The following CDKAL1 variants were observed in gnomAD, a reference collection of about 807,000 sequenced individuals.
CDKAL1 encodes threonylcarbamoyladenosine tRNA methylthiotransferase.
Under a neutral mutation model 68.2 loss-of-function variants are expected in CDKAL1, and 32 were observed. The ratio of observed to expected loss-of-function variants is 0.47; its 90% CI spans 0.35 to 0.63. The LOEUF (loss-of-function observed/expected upper bound fraction) is 0.63. Ranked by LOEUF, CDKAL1 falls within the 30% of genes least tolerant of loss-of-function variation. The probability of loss-of-function intolerance (pLI) is 0.00; values close to 1 mark genes in which losing one functional copy is unlikely to be tolerated. For synonymous variants in CDKAL1, 234 were observed against 244.3 expected, an observed-to-expected ratio of 0.96 and a Z score of 0.39; for missense variants, 606 against 696.7, an observed-to-expected ratio of 0.87 and a Z score of 1.47.
At chr6:20,812,920 A>G (rs975880809) in intron 8 of CDKAL1, among the ~76,000 whole-genome samples, 3 of 152,082 alleles carry the variant, frequency 2.0e-5, no homozygotes, top group Non-Finnish European at 2.9e-5. Flanking sequence ...TGGTTGTACC[A>G]TTTTATATTT....
chr6:20,919,570 T>C (rs1762859396), intron 9 of CDKAL1, among the ~76,000 whole-genome samples: 1 of 152,100 alleles, frequency 6.6e-6, no homozygotes, highest in Non-Finnish European at 1.5e-5. Context: ...TATGCGGTGT[T>C]TGGTTTTCTG....
chr6:20,764,040 C>T (rs1044159778), intron 7 of CDKAL1, among the ~76,000 whole-genome samples: 54 of 152,074 alleles, frequency 3.6e-4, no homozygotes, highest in African/African-American at 4.3e-4. Context: ...AATATTCATA[C>T]GCACCTTAGT....
intron 8 of CDKAL1, among the ~76,000 whole-genome samples, chr6:20,799,206 C>G (rs1776263701): frequency 1.3e-5 from 2 of 151,910 alleles, no homozygotes; most frequent in Admixed American, 6.6e-5. Flanking sequence ...GCACGCACCA[C>G]CGCACCTGGC....
chr6:20,610,350 G>A (rs756636763), intron 4 of CDKAL1, among the ~76,000 whole-genome samples: 2 of 152,076 alleles, frequency 1.3e-5, no homozygotes, highest in Non-Finnish European at 2.9e-5. Context: ...TTGAGGAATC[G>A]CCATACAGTA....
At chr6:21,092,931 C>CA (rs1326684015) in intron 12 of CDKAL1, among the ~76,000 whole-genome samples, 5,279 of 122,618 alleles carry the variant, frequency 0.043, 275 homozygotes, top group African/African-American at 0.14. Context: ...AAAGTAGAAC[C>CA]AAAAAAAAAA....
intron 13 of CDKAL1, among the ~76,000 whole-genome samples, chr6:21,159,119 AT>A (rs1415201432): frequency 1.7e-5 from 2 of 115,872 alleles, no homozygotes; most frequent in African/African-American, 3.2e-5. Flanking sequence ...TTTTTTTTTA[AT>A]TTTTTTAATG....
chr6:20,726,947 C>T (rs1006872715), intron 5 of CDKAL1, among the ~76,000 whole-genome samples: 64 of 152,268 alleles, frequency 4.2e-4, no homozygotes, highest in African/African-American at 1.5e-3. Flanking sequence ...CTTTGTGCAG[C>T]CCCTATAAAC....
chr6:20,609,787 C>A (rs1329023010), intron 4 of CDKAL1, among the ~76,000 whole-genome samples: 2 of 151,848 alleles, frequency 1.3e-5, no homozygotes, highest in Non-Finnish European at 2.9e-5. Flanking sequence ...TTTCTTTTAA[C>A]TTTTATTTTT....
At chr6:20,594,566 T>A (rs1419243378) in intron 4 of CDKAL1, among the ~76,000 whole-genome samples, 1 of 152,168 alleles carries the variant, frequency 6.6e-6, no homozygotes, top group African/African-American at 2.4e-5. Context: ...TTTGAGCCTA[T>A]GTGTGTCTTT....
At chr6:20,676,792 C>T (rs190285670) in intron 5 of CDKAL1, among the ~76,000 whole-genome samples, 137 of 152,130 alleles carry the variant, frequency 9.0e-4, no homozygotes, top group Non-Finnish European at 1.6e-3. Flanking sequence ...TTATCCACAG[C>T]ATCTAGTGTA....
chr6:20,546,641 C>T, intron 3 of CDKAL1, 118 bp downstream of exon 3: 2 of 724,572 alleles, frequency 2.8e-6, no homozygotes, highest in Non-Finnish European at 2.2e-6. Flanking sequence ...GCAACCTCCT[C>T]CTCCTGGATT....
At chr6:20,812,666 C>T (rs895583452) in intron 8 of CDKAL1, among the ~76,000 whole-genome samples, 12 of 152,096 alleles carry the variant, frequency 7.9e-5, no homozygotes, top group Admixed American at 5.9e-4. Flanking sequence ...TTCTTTAATA[C>T]AACCTAACAG....
Position 21,031,646 on chromosome 6 carries a change from G to A in CDKAL1, c.1055+31274G>A, listed in dbSNP as rs114133718. Among the ~76,000 whole-genome samples, 424 of 152,046 alleles carry A rather than the reference G, an allele frequency of 2.8e-3. 2 individuals are homozygous for A. Among genetic ancestry groups the A allele is most frequent in the African/African-American group, 9.7e-3 (402 of 41,502 alleles). The stretch of plus-strand genomic sequence containing the variant: ...AACAACATCTTGGAAGGTAGAAGTC[G>A]GGATTGGGAGTGAGTAGAACTCGAT... On this transcript the variant is annotated intron_variant, in intron 11 of 15. Transcript: ENST00000274695.
Position 20,688,898 on chromosome 6 carries a change from G to A in CDKAL1, c.371+39521G>A, listed in dbSNP as rs139888798. 4.3e-3 allele frequency among the ~76,000 whole-genome samples: 661 copies of A among 152,330 alleles called. 5 individuals are homozygous for A. Among genetic ancestry groups the A allele is most frequent in the African/African-American group, 0.015 (627 of 41,574 alleles). ...GATGTGGTATTAAGGTGTTGGGGGA[G>A]AGGGAGTGTTCTGTAATCCACTGAT... On this transcript the variant is annotated intron_variant, in intron 5 of 15. Coordinates refer to ENST00000274695, the MANE Select transcript of CDKAL1 (RefSeq NM_017774.3).
At position 21,198,121 on chromosome 6, in the gene CDKAL1, T is replaced by A. The variant is rs1267097318; in HGVS notation, c.1383+17T>A. On this transcript the variant is annotated intron_variant, in intron 14 of 15. Transcript: ENST00000274695. ...TATGAGCAGGTAAGAGGCACTTCAG[T>A]ATTCTTGAGTTTTCTCCAAAGTGAG... 1 of 1,517,626 alleles carries A rather than the reference T, an allele frequency of 6.6e-7. No individual in the cohort carries two copies. The highest frequency in any genetic ancestry group is 1.2e-5 in the South Asian group (1 of 80,322). The allele number at this position is 1,517,626 out of a possible 1,614,324, so 94.0% of individuals were successfully genotyped here. A position where few individuals can be genotyped will look rare whatever the true frequency, so the allele number is the denominator to read the frequency against.
chr6:20,648,584 G>T (rs187253916), intron 4 of CDKAL1, among the ~76,000 whole-genome samples: 1 of 152,128 alleles, frequency 6.6e-6, no homozygotes, highest in East Asian at 1.9e-4. Flanking sequence ...CTTAGCTTCT[G>T]TTCTTATACA....
At chr6:20,978,225 T>C (rs928056671) in intron 10 of CDKAL1, among the ~76,000 whole-genome samples, 2 of 152,060 alleles carry the variant, frequency 1.3e-5, no homozygotes, top group African/African-American at 4.8e-5. Flanking sequence ...CTTTGGAGGG[T>C]TTTGTAAAGT....
At chr6:21,150,091 C>G (rs1776344411) in intron 13 of CDKAL1, among the ~76,000 whole-genome samples, 1 of 152,044 alleles carries the variant, frequency 6.6e-6, no homozygotes, top group Admixed American at 6.5e-5. Context: ...ATCTCCTGAC[C>G]TTGTGATCCG....
intron 12 of CDKAL1, among the ~76,000 whole-genome samples, chr6:21,096,898 A>G (rs748192135): frequency 2.6e-5 from 4 of 152,236 alleles, no homozygotes; most frequent in Non-Finnish European, 5.9e-5. Context: ...TAATTTTTCT[A>G]AAATAGCAGT....
Sources: allele counts gnomAD v4.1 joint callset (sites outside exome capture counted in the v4.1 genomes callset), GRCh38; gene constraint gnomAD v4.1.1; transcripts MANE v1.5; gene names NCBI Gene and HGNC (gene_info 2026-07-23, HGNC 2026-07-21).